GRAMD2B: variants seen among roughly 807,000 people sequenced by gnomAD.
The protein encoded by GRAMD2B is GRAM domain-containing protein 2B.
GRAMD2B carries 41 observed loss-of-function variants against 59.2 expected under a neutral mutation model. That is an observed-to-expected ratio of 0.69 (90% CI 0.54 to 0.90). The LOEUF is 0.90. Among genes scored for constraint, GRAMD2B ranks in the 40% least tolerant of loss-of-function variants. GRAMD2B has a pLI of 0.00. For missense variants in GRAMD2B, 424 were observed against 500.5 expected (o/e 0.85, Z 1.46); for synonymous variants, 161 against 182.7 (o/e 0.88, Z 0.96).
At chr5:126,486,820 C>A in intron 11 of GRAMD2B, 53 bp from the exon 12 acceptor site, 1 of 1,100,606 alleles carries the variant, frequency 9.1e-7, no homozygotes, top group Non-Finnish European at 1.4e-6. Context: ...GTTTTATGAA[C>A]ATCAGATCCT....
At chr5:126,465,665 C>A (rs1162938946) in intron 2 of GRAMD2B, 120 bp downstream of exon 2, 2 of 865,360 alleles carry the variant, frequency 2.3e-6, no homozygotes, top group African/African-American at 1.7e-5. Flanking sequence ...AAATAATACT[C>A]CTGAGAAAGA....
chr5:126,409,702 A>G (rs1030367732), intron 1 of GRAMD2B, among the ~76,000 whole-genome samples: 5 of 152,068 alleles, frequency 3.3e-5, no homozygotes, highest in African/African-American at 7.2e-5. Context: ...ACTAGATCCC[A>G]TTTGTCAATT....
chr5:126,364,821 T>C (rs1465343013), intron 1 of GRAMD2B, among the ~76,000 whole-genome samples: 2 of 152,244 alleles, frequency 1.3e-5, no homozygotes, highest in South Asian at 2.1e-4. Flanking sequence ...GGTATGTTCA[T>C]TCCCAAACAA....
rs756364725 is a variant in GRAMD2B, at chr5:126,484,465, G to A, written c.911G>A (p.Arg304Gln). The change falls in exon 10 of 14, where the codon CGG (arginine) becomes CAG (glutamine). Residue 304 changes from arginine to glutamine, a missense_variant. By Grantham distance (43) the Arg-to-Gln change is conservative. Coordinates refer to ENST00000285689, the MANE Select transcript of GRAMD2B (RefSeq NM_023927.4). ...TCCAAGGGAGAAGCAAAGCCAACTC[G>A]GGCAGATGCCCATGTGAACAGAGTA... ...NVSKGEAKPTRADAHVNRVPE... is the reference protein window; with the variant it reads ...NVSKGEAKPTQADAHVNRVPE... 10 of 1,614,126 alleles carry A rather than the reference G, an allele frequency of 6.2e-6. No homozygotes were observed. The highest frequency in any genetic ancestry group is 1.1e-5 in the South Asian group (1 of 91,064).
At chr5:126,372,555 A>G (rs1416438121) in intron 1 of GRAMD2B, among the ~76,000 whole-genome samples, 1 of 152,156 alleles carries the variant, frequency 6.6e-6, no homozygotes, top group Admixed American at 6.5e-5. Context: ...AATAAATTAA[A>G]CACTTTTAAA....
intron 5 of GRAMD2B, among the ~76,000 whole-genome samples, chr5:126,475,162 A>T (rs932091219): frequency 3.3e-5 from 5 of 152,230 alleles, no homozygotes; most frequent in Non-Finnish European, 5.9e-5. Flanking sequence ...TTTAATCCGG[A>T]CCTTTTTAGT....
chr5:126,421,413 G>A (rs1204720759), upstream of GRAMD2B, among the ~76,000 whole-genome samples: 3 of 152,142 alleles, frequency 2.0e-5, no homozygotes, highest in East Asian at 5.8e-4. Flanking sequence ...ATTCTGAGGA[G>A]GGTGGGGATC....
chr5:126,411,610 T>G (rs571751259), intron 1 of GRAMD2B, among the ~76,000 whole-genome samples: 1 of 152,254 alleles, frequency 6.6e-6, no homozygotes, highest in Non-Finnish European at 1.5e-5. Flanking sequence ...CCATGTGAAT[T>G]TTAGAGTATT....
intron 1 of GRAMD2B, among the ~76,000 whole-genome samples, chr5:126,388,230 A>G (rs2149713930): frequency 6.6e-6 from 1 of 152,078 alleles, no homozygotes; most frequent in Admixed American, 6.5e-5. Context: ...AAAATTAGCC[A>G]GGTGTGGTGG....
At chr5:126,450,474 G>A (rs998598169) in intron 1 of GRAMD2B, among the ~76,000 whole-genome samples, 1 of 151,932 alleles carries the variant, frequency 6.6e-6, no homozygotes, top group Non-Finnish European at 1.5e-5. Context: ...TGTAATTCAA[G>A]GGGAATTTGT....
Position 126,471,038 on chromosome 5 carries a change from A to G in GRAMD2B, c.316-1200A>G, listed in dbSNP as rs182440355. Reference sequence around the variant, plus strand: ...TAGAACACCTAGCTTTAATCAAGGTATCTTTCTATAAGGAGTTTATCTGTA... The same window carrying G: ...TAGAACACCTAGCTTTAATCAAGGTGTCTTTCTATAAGGAGTTTATCTGTA... On this transcript the variant is annotated intron_variant, in intron 3 of 13. Transcript: ENST00000285689. 7.9e-4 allele frequency among the ~76,000 whole-genome samples: 121 copies of G among 152,348 alleles called. 1 individual carries two copies. Among genetic ancestry groups the G allele is most frequent in the South Asian group, 8.3e-4 (4 of 4,826 alleles).
intron 1 of GRAMD2B, among the ~76,000 whole-genome samples, chr5:126,415,408 A>G (rs142391756): frequency 1.3e-5 from 2 of 152,270 alleles, no homozygotes; most frequent in East Asian, 3.9e-4. Flanking sequence ...ACTCACTTAT[A>G]GCAATCATGG....
chr5:126,400,195 CA>C (rs1314538884), intron 1 of GRAMD2B, among the ~76,000 whole-genome samples: 1 of 151,606 alleles, frequency 6.6e-6, no homozygotes, highest in Non-Finnish European at 1.5e-5. Flanking sequence ...AAATGATAAC[CA>C]AAAGAAAGCA....
chr5:126,365,855 C>T (rs1241073332), intron 1 of GRAMD2B, among the ~76,000 whole-genome samples: 1 of 152,128 alleles, frequency 6.6e-6, no homozygotes, highest in African/African-American at 2.4e-5. Flanking sequence ...GTTAAAAGCA[C>T]TAAAAAGACT....
chr5:126,450,697 G>A (rs975806223), intron 1 of GRAMD2B, among the ~76,000 whole-genome samples: 6 of 144,832 alleles, frequency 4.1e-5, no homozygotes, highest in African/African-American at 1.0e-4. Flanking sequence ...ACTCTGTCCC[G>A]GCCAGTCTGG....
chr5:126,423,281 C>T (rs1759951747), upstream of GRAMD2B: 13 of 1,169,134 alleles, frequency 1.1e-5, no homozygotes, highest in Non-Finnish European at 1.4e-5. Flanking sequence ...TTAGCTTCCT[C>T]TCCCGAAAGA....
In GRAMD2B at chr5:126,372,323, A is replaced by C. The variant is rs374105981; in HGVS notation, c.125+756A>C. Among the ~76,000 whole-genome samples, 15 of 152,324 alleles carry C rather than the reference A, an allele frequency of 9.8e-5. No individual in the cohort carries two copies. In the East Asian group the frequency reaches 2.9e-3, roughly 29 times the overall value. ...TCATGTAAACTTTAACGTAGCATTC[A>C]TGTAAACTTCTCAGAATAACCCCCA... On this transcript the variant is annotated intron_variant, in intron 1 of 8. Transcript: ENST00000506445.
chr5:126,488,971 C>T (rs1773457356), intron 13 of GRAMD2B, 79 bp downstream of exon 13: 1 of 907,160 alleles, frequency 1.1e-6, no homozygotes, highest in Non-Finnish European at 1.8e-6. Flanking sequence ...AGGGATTACA[C>T]ACTCAGACGC....
chr5:126,458,370 G>A (rs1373590710), intron 1 of GRAMD2B, among the ~76,000 whole-genome samples: 2 of 152,010 alleles, frequency 1.3e-5, no homozygotes, highest in African/African-American at 4.8e-5. Flanking sequence ...GGGAGGCAGA[G>A]GTTGCAGCGA....
Sources: allele counts gnomAD v4.1 joint callset (sites outside exome capture counted in the v4.1 genomes callset), GRCh38; gene constraint gnomAD v4.1.1; transcripts MANE v1.5; gene names NCBI Gene and HGNC (gene_info 2026-07-23, HGNC 2026-07-21).